The following METAP1 variants were observed in gnomAD, a reference collection of about 807,000 sequenced individuals.
METAP1 encodes the protein methionyl aminopeptidase 1.
Under a neutral mutation model 53.8 loss-of-function variants are expected in METAP1, and 28 were observed. That is an observed-to-expected ratio of 0.52 (90% CI 0.39 to 0.71). The LOEUF (loss-of-function observed/expected upper bound fraction) is 0.71. METAP1 is among the 30% of genes least tolerant of loss of function. The pLI, the probability that METAP1 is intolerant of heterozygous loss-of-function variation, is 0.00. For missense variants in METAP1, 389 were observed against 479.8 expected (o/e 0.81, Z 1.77); for synonymous variants, 181 against 165.7 (o/e 1.09, Z -0.71).
At chr4:99,047,611 C>T (rs1227598935) in intron 8 of METAP1, among the ~76,000 whole-genome samples, 1 of 152,110 alleles carries the variant, frequency 6.6e-6, no homozygotes, top group Non-Finnish European at 1.5e-5. Flanking sequence ...AAACTGATTC[C>T]TTGAGCTATT....
At chr4:99,026,257 G>T (rs1724549974) in intron 1 of METAP1, 53 of 985,070 alleles carry the variant, frequency 5.4e-5, no homozygotes, top group Non-Finnish European at 6.1e-5. Flanking sequence ...ATGTTGTCTT[G>T]GATTGAAAAC....
chr4:99,056,190 C>T (rs1287954865), intron 9 of METAP1, among the ~76,000 whole-genome samples: 1 of 152,186 alleles, frequency 6.6e-6, no homozygotes, highest in Non-Finnish European at 1.5e-5. Context: ...TCAGAACAAC[C>T]TCGCAGAGGA....
chr4:99,057,753 A>G lies in METAP1; in HGVS notation c.932A>G (p.Lys311Arg), dbSNP rs1376575914. The G allele has an allele frequency of 6.3e-7, 1 of 1,582,634 alleles. No individual in the cohort carries two copies. The highest frequency in any genetic ancestry group is 1.2e-5 in the South Asian group (1 of 86,116). Residue 311 changes from lysine (K) to arginine (R), a missense_variant and splice_region_variant, in exon 10 of 11, where the codon AAA becomes AGA. Lys to Arg is a conservative substitution (Grantham distance 26). Coordinates refer to ENST00000296411, the MANE Select transcript of METAP1 (RefSeq NM_015143.3). ...TTGAGATTTTTTTCTTTGATTTCAGAAAATAAAGCAGTTGGAGTGATGAAG... is the reference window on the plus strand; with the variant it reads ...TTGAGATTTTTTTCTTTGATTTCAGGAAATAAAGCAGTTGGAGTGATGAAG... ...HTAPNVPHYA[K>R]NKAVGVMKSG... is the part of the protein sequence containing the mutation.
At chr4:99,057,372 C>T (rs1441943227) in intron 9 of METAP1, among the ~76,000 whole-genome samples, 3 of 152,186 alleles carry the variant, frequency 2.0e-5, no homozygotes, top group African/African-American at 7.2e-5. Flanking sequence ...AGCTTCTCTA[C>T]CCGGATGAGT....
chr4:99,017,951 G>A (rs867397465), intron 1 of METAP1, among the ~76,000 whole-genome samples: 2 of 152,290 alleles, frequency 1.3e-5, no homozygotes, highest in Middle Eastern at 3.4e-3. Flanking sequence ...AAGATGAAAG[G>A]GTTTTTCTAA....
At chr4:99,024,865 TG>T (rs1323493738) in intron 1 of METAP1, among the ~76,000 whole-genome samples, 1 of 152,218 alleles carries the variant, frequency 6.6e-6, no homozygotes, top group Non-Finnish European at 1.5e-5. Flanking sequence ...AAAAGTTTTG[TG>T]AAAGACAATT....
intron 9 of METAP1, among the ~76,000 whole-genome samples, chr4:99,055,122 G>A (rs1470297194): frequency 6.6e-6 from 1 of 152,056 alleles, no homozygotes; most frequent in Non-Finnish European, 1.5e-5. Flanking sequence ...CAGATGTGGT[G>A]GCTCATACCT....
chr4:99,002,655 C>A (rs146667210), intron 1 of METAP1, among the ~76,000 whole-genome samples: 1 of 152,304 alleles, frequency 6.6e-6, no homozygotes, highest in Non-Finnish European at 1.5e-5. Context: ...ACTTCTCATG[C>A]TTTGTAAGTT....
intron 9 of METAP1, among the ~76,000 whole-genome samples, chr4:99,056,603 G>T (rs942137432): frequency 6.6e-6 from 1 of 152,042 alleles, no homozygotes; most frequent in African/African-American, 2.4e-5. Flanking sequence ...ACGGAGTCTT[G>T]CTCTGTCGCC....
At chr4:99,004,478 C>T (rs1319765816) in intron 1 of METAP1, among the ~76,000 whole-genome samples, 8 of 19,992 alleles carry the variant, frequency 4.0e-4, no homozygotes, top group African/African-American at 6.5e-4. Flanking sequence ...CACACACACA[C>T]ACACATACAC....
intron 9 of METAP1, among the ~76,000 whole-genome samples, chr4:99,053,416 T>A (rs980172758): frequency 4.6e-5 from 7 of 150,932 alleles, no homozygotes; most frequent in African/African-American, 1.7e-4. Flanking sequence ...TGCCTGGCTA[T>A]TTTTTTTTGT....
At chr4:99,012,802 G>A (rs926614656) in intron 1 of METAP1, among the ~76,000 whole-genome samples, 1 of 152,032 alleles carries the variant, frequency 6.6e-6, no homozygotes, top group Non-Finnish European at 1.5e-5. Flanking sequence ...ATACATTTTA[G>A]GGGGACAGAA....
At chr4:99,043,144 AG>A in intron 6 of METAP1, 104 bp from the exon 7 acceptor site, 1 of 781,244 alleles carries the variant, frequency 1.3e-6, no homozygotes, top group Non-Finnish European at 2.0e-6. Flanking sequence ...AGTTCTTCAT[AG>A]TAGCATGTGT....
chr4:99,041,899 T>A (rs1334970347), intron 6 of METAP1, among the ~76,000 whole-genome samples: 1 of 150,838 alleles, frequency 6.6e-6, no homozygotes, highest in Non-Finnish European at 1.5e-5. Flanking sequence ...CAGAATCTTA[T>A]TAATCCTGAC....
At chr4:99,002,576 C>T (rs1480183263) in intron 1 of METAP1, among the ~76,000 whole-genome samples, 2 of 152,118 alleles carry the variant, frequency 1.3e-5, no homozygotes. Context: ...CGAGGCCTGC[C>T]TTTCTCATTG....
chr4:99,032,997 A>G (rs932357201), intron 2 of METAP1, among the ~76,000 whole-genome samples: 1 of 152,174 alleles, frequency 6.6e-6, no homozygotes, highest in Non-Finnish European at 1.5e-5. Context: ...TGGATTTTCC[A>G]TATTTTTGCA....
chr4:99,016,374 A>G (rs1442470118), intron 1 of METAP1, among the ~76,000 whole-genome samples: 1 of 152,186 alleles, frequency 6.6e-6, no homozygotes, highest in African/African-American at 2.4e-5. Flanking sequence ...ATTTAGTTAG[A>G]TGACTTGTCT....
intron 2 of METAP1, among the ~76,000 whole-genome samples, chr4:99,032,760 A>C (rs1249096609): frequency 6.6e-6 from 1 of 152,204 alleles, no homozygotes; most frequent in Admixed American, 6.5e-5. Context: ...AAGCAGGCTC[A>C]GTTGGCCCCC....
chr4:99,045,886 CATAT>C (rs1339737161), intron 8 of METAP1, among the ~76,000 whole-genome samples: 1 of 152,174 alleles, frequency 6.6e-6, no homozygotes, highest in Non-Finnish European at 1.5e-5. Context: ...TTCAAGTTAG[CATAT>C]ATACCTACAG....
Sources: allele counts gnomAD v4.1 joint callset (sites outside exome capture counted in the v4.1 genomes callset), GRCh38; gene constraint gnomAD v4.1.1; transcripts MANE v1.5; gene names NCBI Gene and HGNC (gene_info 2026-07-23, HGNC 2026-07-21).